TTC9: variants seen among roughly 807,000 people sequenced by gnomAD.
TTC9 encodes the protein tetratricopeptide repeat protein 9A.
In TTC9, 13 loss-of-function variants were observed where a neutral mutation model predicts 22.9. The observed-to-expected ratio is 0.57, with a 90% CI of 0.37 to 0.90. The LOEUF (loss-of-function observed/expected upper bound fraction) is 0.90, where lower values mean the gene tolerates loss of function less well. Among genes scored for constraint, TTC9 ranks in the 40% least tolerant of loss-of-function variants. The pLI, the probability that TTC9 is intolerant of heterozygous loss-of-function variation, is 0.01. For missense variants in TTC9, 280 were observed against 291.8 expected (o/e 0.96, Z 0.29); for synonymous variants, 148 against 133.2 (o/e 1.11, Z -0.77).
chr14:70,655,141 C>G (rs1397517539), intron 1 of TTC9, among the ~76,000 whole-genome samples: 2 of 152,236 alleles, frequency 1.3e-5, no homozygotes, highest in Non-Finnish European at 1.5e-5. Context: ...CGCCTGTAAT[C>G]CCAGCACTTT....
At chr14:70,645,162 C>G (rs1245115299) in intron 1 of TTC9, among the ~76,000 whole-genome samples, 2 of 152,088 alleles carry the variant, frequency 1.3e-5, no homozygotes, top group African/African-American at 2.4e-5. Flanking sequence ...GAAGTGGAAG[C>G]CTTATGTTTG....
intron 1 of TTC9, among the ~76,000 whole-genome samples, chr14:70,661,387 C>T (rs1886143209): frequency 6.6e-6 from 1 of 152,194 alleles, no homozygotes. Context: ...TACGGTGCAA[C>T]CCCAAACAGT....
chr14:70,674,707 T>C lies in TTC9; in HGVS notation c.*3552T>C, dbSNP rs1327856716. The C allele has an allele frequency of 6.6e-6, 1 of 152,248 alleles. No homozygotes were observed. Among genetic ancestry groups the C allele is most frequent in the Non-Finnish European group, 1.5e-5 (1 of 68,046 alleles). The allele number at this position is 152,248 out of a possible 1,614,324, so 9.4% of individuals were successfully genotyped here. A position where few individuals can be genotyped will look rare whatever the true frequency, so the allele number is the denominator to read the frequency against. Reference sequence around the variant, plus strand: ...CAAATGGCAGCATATTGGACACTTTTTGTTTTTTGCTCCTTCTGTTCCTTC... The same window carrying C: ...CAAATGGCAGCATATTGGACACTTTCTGTTTTTTGCTCCTTCTGTTCCTTC... On this transcript the variant is annotated 3_prime_UTR_variant, in exon 3 of 3. Transcript: ENST00000256367.
chr14:70,665,754 TA>T (rs972749825), intron 1 of TTC9, among the ~76,000 whole-genome samples: 2 of 152,178 alleles, frequency 1.3e-5, no homozygotes, highest in African/African-American at 2.4e-5. Context: ...TCTGGTCTCT[TA>T]AAAAATCTCA....
chr14:70,663,719 G>C (rs112799868), intron 1 of TTC9, among the ~76,000 whole-genome samples: 2 of 152,014 alleles, frequency 1.3e-5, no homozygotes, highest in African/African-American at 4.8e-5. Context: ...GTGGGGGGGC[G>C]GGTGTCAGCT....
At chr14:70,663,956 C>T (rs4899364) in intron 1 of TTC9, among the ~76,000 whole-genome samples, 40,405 of 152,030 alleles carry the variant, frequency 0.27, 5,585 homozygotes, top group Admixed American at 0.33. Flanking sequence ...AATTCTACCC[C>T]CTTCCAGCTG....
At position 70,669,318 on chromosome 14, in the gene TTC9, C is replaced by T. The variant is rs150931390; in HGVS notation, c.589+1572C>T. Among the ~76,000 whole-genome samples, 213 of 152,046 alleles carry T rather than the reference C, an allele frequency of 1.4e-3. 1 individual carries two copies. The highest frequency in any genetic ancestry group is 4.7e-3 in the African/African-American group (195 of 41,492). On this transcript the variant is annotated intron_variant, in intron 2 of 2. Transcript: ENST00000256367. ...TTTTTCAGACAGAGTCTCGCTCTGT[C>T]GCCCAGGCTGGAGTGCAGTGGTGTG...
chr14:70,659,130 A>ACG (rs35178781), intron 1 of TTC9, among the ~76,000 whole-genome samples: 20,308 of 111,292 alleles, frequency 0.18, 1,835 homozygotes, highest in Admixed American at 0.29. Context: ...ACACACACAC[A>ACG]CGCACACACA....
chr14:70,656,512 AT>A (rs1454461724), intron 1 of TTC9, among the ~76,000 whole-genome samples: 1 of 152,194 alleles, frequency 6.6e-6, no homozygotes, highest in Non-Finnish European at 1.5e-5. Context: ...TAATTATCCT[AT>A]CCCCAAACAC....
chr14:70,642,713 G>A (rs946141455), intron 1 of TTC9, among the ~76,000 whole-genome samples, 178 bp downstream of exon 1: 1 of 152,238 alleles, frequency 6.6e-6, no homozygotes, highest in Admixed American at 6.5e-5. Context: ...CCTTTCAAAG[G>A]CCATAATCAT....
chr14:70,668,782 C>T (rs903970961), intron 2 of TTC9, among the ~76,000 whole-genome samples: 20 of 145,856 alleles, frequency 1.4e-4, no homozygotes, highest in African/African-American at 3.1e-4. Flanking sequence ...ACCTGGAAGG[C>T]GGAGGCTACA....
Position 70,642,458 on chromosome 14 carries a change from T to C in TTC9, c.329T>C (p.Leu110Pro), listed in dbSNP as rs764169527. 339 of 1,554,264 alleles carry C rather than the reference T, an allele frequency of 2.2e-4. No individual in the cohort carries two copies. Among genetic ancestry groups the C allele is most frequent in the Non-Finnish European group, 2.9e-4 (330 of 1,150,800 alleles). Reference sequence around the variant, plus strand: ...CGCCCGGCCTCCCCGGCTGGGGCCCTGAAGCCCGGCCGCCTCTCGGAGGAG... The same window carrying C: ...CGCCCGGCCTCCCCGGCTGGGGCCCCGAAGCCCGGCCGCCTCTCGGAGGAG... ...DSRPASPAGA[L>P]KPGRLSEEQS... The change falls in exon 1 of 3, where the codon CTG becomes CCG. Residue 110 changes from leucine to proline, a missense_variant. Leu to Pro is a moderately conservative substitution (Grantham distance 98). Around this residue, in one of 5 missense-constraint regions of TTC9, gnomAD observed 165 missense variants for 145.4 expected, o/e 1.14. Transcript: ENST00000256367.
At chr14:70,654,430 A>G (rs1477785818) in intron 1 of TTC9, among the ~76,000 whole-genome samples, 3 of 151,772 alleles carry the variant, frequency 2.0e-5, no homozygotes, top group African/African-American at 7.3e-5. Flanking sequence ...GTCTCTACTA[A>G]AAATACAAAA....
At chr14:70,655,513 G>T (rs1886052110) in intron 1 of TTC9, among the ~76,000 whole-genome samples, 2 of 152,146 alleles carry the variant, frequency 1.3e-5, no homozygotes, top group Admixed American at 6.5e-5. Context: ...TTCCGTGTGG[G>T]TGTATGATCA....
intron 1 of TTC9, among the ~76,000 whole-genome samples, chr14:70,645,996 A>G (rs1353345695): frequency 6.6e-6 from 1 of 152,222 alleles, no homozygotes; most frequent in Non-Finnish European, 1.5e-5. Flanking sequence ...GAAGCCTCCA[A>G]AAGAATAGCA....
intron 1 of TTC9, among the ~76,000 whole-genome samples, chr14:70,647,010 T>G (rs1885910173): frequency 6.6e-6 from 1 of 152,228 alleles, no homozygotes; most frequent in South Asian, 2.1e-4. Context: ...TTTCTCTTTC[T>G]TTTGTTCTCT....
At position 70,641,966 on chromosome 14, in the gene TTC9, A is replaced by C; in HGVS notation, c.-164A>C. 1.1e-5 allele frequency: 3 copies of C among 262,034 alleles called. No homozygotes were observed. The highest frequency in any genetic ancestry group is 1.8e-5 in the Non-Finnish European group (3 of 168,986). The allele number at this position is 262,034 out of a possible 1,614,324, so 16.2% of individuals were successfully genotyped here. A position where few individuals can be genotyped will look rare whatever the true frequency, so the allele number is the denominator to read the frequency against. ...GGAGCAGCCTCTGGCAGCAGCGGGG[A>C]GAATGGGAGTGCGGGGCGCCAGACC... On this transcript the variant is annotated 5_prime_UTR_variant, in exon 1 of 3. Transcript: ENST00000256367.
At chr14:70,661,392 A>C (rs1014407678) in intron 1 of TTC9, among the ~76,000 whole-genome samples, 4 of 152,188 alleles carry the variant, frequency 2.6e-5, no homozygotes, top group African/African-American at 9.7e-5. Flanking sequence ...TGCAACCCCA[A>C]ACAGTGAGGC....
chr14:70,658,169 T>G (rs1308254636), intron 1 of TTC9, among the ~76,000 whole-genome samples: 1 of 152,184 alleles, frequency 6.6e-6, no homozygotes, highest in African/African-American at 2.4e-5. Flanking sequence ...AAGAGCTAAG[T>G]GGGCTCAGCG....
Sources: gnomAD v4.1 joint callset for allele counts (sites outside exome capture counted in the v4.1 genomes callset) on GRCh38, gnomAD v4.1.1 for gene constraint, gnomAD v4.1.1 regional missense constraint, MANE v1.5 for transcripts, NCBI Gene and HGNC (gene_info 2026-07-23, HGNC 2026-07-21) for gene names.